Variants in LARGE1 observed in about 807,000 individuals in gnomAD.
LARGE1 encodes the protein LARGE xylosyl- and glucuronyltransferase 1, also known as xylosyl- and glucuronyltransferase LARGE1.
In LARGE1, 43 loss-of-function variants were observed where a neutral mutation model predicts 87.6. The observed-to-expected ratio is 0.49, with a 90% CI of 0.38 to 0.63. The LOEUF (loss-of-function observed/expected upper bound fraction) is 0.63. Ranked by LOEUF, LARGE1 falls within the 30% of genes least tolerant of loss-of-function variation. The probability of loss-of-function intolerance (pLI) is 0.00; values close to 1 mark genes in which losing one functional copy is unlikely to be tolerated. For missense variants in LARGE1, 802 were observed against 1,000.2 expected, an observed-to-expected ratio of 0.80 and a Z score of 2.67; for synonymous variants, 434 against 394.6, an observed-to-expected ratio of 1.10 and a Z score of -1.18.
intron 9 of LARGE1, among the ~76,000 whole-genome samples, chr22:33,342,407 C>A (rs549911926): frequency 2.6e-5 from 4 of 152,194 alleles, no homozygotes; most frequent in Non-Finnish European, 4.4e-5. Flanking sequence ...ATTAAATCCT[C>A]CAAACAAGCC....
chr22:33,624,707 C>T (rs1392409056), intron 4 of LARGE1, among the ~76,000 whole-genome samples: 1 of 152,090 alleles, frequency 6.6e-6, no homozygotes, highest in South Asian at 2.1e-4. Context: ...TGATTTCCAC[C>T]CCTTGACAAG....
At chr22:33,342,081 G>A (rs565475296) in intron 9 of LARGE1, among the ~76,000 whole-genome samples, 1 of 152,304 alleles carries the variant, frequency 6.6e-6, no homozygotes, top group South Asian at 2.1e-4. Flanking sequence ...AAGGGTAGGA[G>A]AGGGAAGACT....
chr22:33,644,965 G>A (rs1241027426), intron 3 of LARGE1, among the ~76,000 whole-genome samples: 1 of 152,194 alleles, frequency 6.6e-6, no homozygotes, highest in African/African-American at 2.4e-5. Context: ...TCAATATTGT[G>A]AAAGTGGCCA....
At chr22:33,748,382 C>T (rs1200244066) in intron 2 of LARGE1, among the ~76,000 whole-genome samples, 2 of 152,106 alleles carry the variant, frequency 1.3e-5, no homozygotes, top group Non-Finnish European at 2.9e-5. Flanking sequence ...CACCCATCTC[C>T]ACTTCCACCT....
intron 6 of LARGE1, among the ~76,000 whole-genome samples, chr22:33,495,382 A>C (rs1300777460): frequency 6.6e-6 from 1 of 152,148 alleles, no homozygotes; most frequent in Non-Finnish European, 1.5e-5. Context: ...ATATAGTGTA[A>C]AAACAAGTTT....
intron 7 of LARGE1, among the ~76,000 whole-genome samples, chr22:33,387,426 CA>C (rs758366490): frequency 0.17 from 11,465 of 67,106 alleles, 324 homozygotes; most frequent in South Asian, 0.26. Flanking sequence ...GACTCTGTCT[CA>C]AAAAAAAAAA....
intron 11 of LARGE1, among the ~76,000 whole-genome samples, chr22:33,235,067 G>A (rs1309833524): frequency 1.3e-5 from 2 of 152,146 alleles, no homozygotes; most frequent in East Asian, 1.9e-4. Flanking sequence ...CAGTCTACCT[G>A]ACTCCCTTCT....
At chr22:33,311,122 G>A (rs1328986314) in intron 11 of LARGE1, among the ~76,000 whole-genome samples, 1 of 152,044 alleles carries the variant, frequency 6.6e-6, no homozygotes, top group African/African-American at 2.4e-5. Context: ...CACCATGCCA[G>A]GCTAATTTTT....
chr22:33,588,994 T>G (rs1386631997), intron 5 of LARGE1, among the ~76,000 whole-genome samples: 1 of 152,194 alleles, frequency 6.6e-6, no homozygotes, highest in Non-Finnish European at 1.5e-5. Flanking sequence ...TAATTCAAAG[T>G]GATTAGGACT....
chr22:33,581,083 C>T (rs1323657030), intron 5 of LARGE1, among the ~76,000 whole-genome samples: 1 of 152,164 alleles, frequency 6.6e-6, no homozygotes, highest in African/African-American at 2.4e-5. Flanking sequence ...TCATTGGATG[C>T]TTGAAATAAG....
rs142322760 is a variant in LARGE1, at chr22:33,378,534, T to C, written c.1131+3385A>G. 5.3e-4 allele frequency among the ~76,000 whole-genome samples: 81 copies of C among 152,348 alleles called. 1 individual carries two copies. The highest frequency in any genetic ancestry group is 2.0e-4 in the Admixed American group (3 of 15,304). On this transcript the variant is annotated intron_variant, in intron 9 of 14. Coordinates refer to ENST00000397394, the MANE Select transcript of LARGE1 (RefSeq NM_133642.5). Reference sequence around the variant, plus strand: ...TTATATGTTTTGCCTGTTGGCCTATTGTCCCTCTGTATCCCATGATAGCAT... The same window carrying C: ...TTATATGTTTTGCCTGTTGGCCTATCGTCCCTCTGTATCCCATGATAGCAT...
chr22:33,780,007 T>C (rs2085368609), intron 1 of LARGE1, among the ~76,000 whole-genome samples: 1 of 141,180 alleles, frequency 7.1e-6, no homozygotes, highest in South Asian at 2.1e-4. Flanking sequence ...TTCAAGATCA[T>C]GGTGTGAACA....
intron 6 of LARGE1, among the ~76,000 whole-genome samples, chr22:33,457,340 C>A (rs984930070): frequency 8.8e-6 from 1 of 113,744 alleles, no homozygotes; most frequent in Admixed American, 1.3e-4. Context: ...TTATTAGAGA[C>A]GGGGTTACAC....
intron 11 of LARGE1, among the ~76,000 whole-genome samples, chr22:33,219,465 G>C (rs867880589): frequency 6.6e-6 from 1 of 152,134 alleles, no homozygotes. Flanking sequence ...CCTGGTGTAC[G>C]CTAAATATTG....
At chr22:33,231,269 G>A (rs1426446160) in intron 11 of LARGE1, among the ~76,000 whole-genome samples, 7 of 152,120 alleles carry the variant, frequency 4.6e-5, no homozygotes, top group Admixed American at 2.0e-4. Flanking sequence ...CAACTTTCAC[G>A]GTATAGTACA....
chr22:33,230,931 G>A (rs918541590), intron 11 of LARGE1, among the ~76,000 whole-genome samples: 4 of 152,064 alleles, frequency 2.6e-5, no homozygotes, highest in South Asian at 2.1e-4. Flanking sequence ...TAGGCCTTTC[G>A]CCATCGTGTC....
At chr22:33,662,124 A>T (rs1168666302) in intron 2 of LARGE1, among the ~76,000 whole-genome samples, 1 of 150,502 alleles carries the variant, frequency 6.6e-6, no homozygotes, top group Non-Finnish European at 1.5e-5. Context: ...TAGTGTTTTC[A>T]AAGTGGCCAA....
intron 1 of LARGE1, among the ~76,000 whole-genome samples, chr22:33,915,707 T>C (rs920055987): frequency 6.6e-5 from 10 of 152,342 alleles, no homozygotes; most frequent in South Asian, 2.1e-4. Context: ...CTCGCAACCA[T>C]TCTTGCCACT....
rs372938770 is a variant in LARGE1, at chr22:33,763,974, C to T, written c.-82-2416G>A. Among the ~76,000 whole-genome samples, 5 of 149,632 alleles carry T rather than the reference C, an allele frequency of 3.3e-5. No individual in the cohort carries two copies. The East Asian group carries it at 6.1e-4, about 18-fold the overall frequency. On this transcript the variant is annotated intron_variant, in intron 1 of 14. Transcript: ENST00000397394. ...AAGGGATTCTCCTGCCTCAGCCTCC[C>T]GAGTAGCTGGGATTACAGGCACACG...
Sources: gnomAD v4.1 joint callset for allele counts (sites outside exome capture counted in the v4.1 genomes callset) on GRCh38, gnomAD v4.1.1 for gene constraint, MANE v1.5 for transcripts, NCBI Gene and HGNC (gene_info 2026-07-23, HGNC 2026-07-21) for gene names.